Variants in KNTC1 observed in about 807,000 individuals in gnomAD.
KNTC1 encodes kinetochore associated 1.
A neutral mutation model predicts 314.4 loss-of-function variants in KNTC1; 253 were observed. The ratio of observed to expected loss-of-function variants is 0.80; its 90% CI spans 0.73 to 0.89. The LOEUF (loss-of-function observed/expected upper bound fraction) is 0.89, where lower values mean the gene tolerates loss of function less well. KNTC1 is among the 40% of genes least tolerant of loss of function. KNTC1 has a pLI of 0.00. For missense variants in KNTC1, 2,475 were observed against 2,572.9 expected (o/e 0.96, Z 0.82); for synonymous variants, 901 against 901.4 (o/e 1.00, Z 0.01).
chr12:122,615,469 G>C lies in KNTC1; in HGVS notation c.5974-1G>C, dbSNP rs1386489939. ...ACTTTTTTATTTTTAATTTTTTACA[G>C]ATTCCTTATCTAAGGAAAGTTTTAA... On this transcript the variant is annotated splice_acceptor_variant, in intron 56 of 63. Coordinates refer to ENST00000333479, the MANE Select transcript of KNTC1 (RefSeq NM_014708.6). LOFTEE classifies it high-confidence loss of function. The C allele has an allele frequency of 5.3e-6, 8 of 1,512,388 alleles. No individual in the cohort carries two copies. The highest frequency in any genetic ancestry group is 1.4e-5 in the African/African-American group (1 of 71,160). The allele number at this position is 1,512,388 out of a possible 1,614,324, so 93.7% of individuals were successfully genotyped here.
chr12:122,575,746 ATAG>A, intron 28 of KNTC1, 51 bp from the exon 29 acceptor site: 2 of 1,517,714 alleles, frequency 1.3e-6, no homozygotes, highest in African/African-American at 1.4e-5. Context: ...GCTGTGTCCC[ATAG>A]TACTTCATAA....
At chr12:122,576,851 C>G (rs781087771) in intron 29 of KNTC1, 44 bp from the exon 30 acceptor site, 2 of 1,452,518 alleles carry the variant, frequency 1.4e-6, no homozygotes, top group African/African-American at 2.9e-5. Context: ...TCTTGGTTTT[C>G]TGTGAGTTCT....
At chr12:122,565,743 G>A (rs949500108) in intron 20 of KNTC1, among the ~76,000 whole-genome samples, 6 of 151,840 alleles carry the variant, frequency 4.0e-5, no homozygotes, top group African/African-American at 1.5e-4. Flanking sequence ...AATTTGCCAG[G>A]CAACTTGGCC....
At chr12:122,554,770 C>T (rs1194169993) in intron 16 of KNTC1, among the ~76,000 whole-genome samples, 1 of 151,996 alleles carries the variant, frequency 6.6e-6, no homozygotes, top group Non-Finnish European at 1.5e-5. Flanking sequence ...CCAGAGAGTC[C>T]CTGTCAAAGT....
rs1467871270 is a variant in KNTC1 at position 122,542,084 on chromosome 12, AT to A, written c.487del (p.Cys163ValfsTer8). 5 of 1,540,526 alleles carry A rather than the reference AT, an allele frequency of 3.2e-6. No homozygotes were observed. Among genetic ancestry groups the A allele is most frequent in the Admixed American group, 1.9e-5 (1 of 53,614 alleles). ...YYMLLLTYSG[F>X]FCITNLQLLK... ...ATATGCTACTTCTTACATACAGTGG[AT>A]TTTTTTGTATTACAAACCTTCAGCT... On this transcript the variant is annotated frameshift_variant, in exon 6 of 64. Transcript: ENST00000333479. LOFTEE classifies it high-confidence loss of function.
chr12:122,549,664 C>A, intron 12 of KNTC1, 102 bp from the exon 13 acceptor site: 1 of 672,502 alleles, frequency 1.5e-6, no homozygotes, highest in Non-Finnish European at 2.7e-6. Context: ...CCACGCCCAG[C>A]CGCTCCCATG....
At chr12:122,596,593 C>T (rs542373279) in intron 43 of KNTC1, among the ~76,000 whole-genome samples, 1 of 151,480 alleles carries the variant, frequency 6.6e-6, no homozygotes, top group South Asian at 2.1e-4. Context: ...ATAATCCCAA[C>T]ACTTTGAGGG....
In KNTC1 at chr12:122,546,621, G is replaced by A. The variant is rs755330983; in HGVS notation, c.764-1G>A. On this transcript the variant is annotated splice_acceptor_variant, in intron 9 of 63. Coordinates refer to ENST00000333479, the MANE Select transcript of KNTC1 (RefSeq NM_014708.6). LOFTEE classifies it high-confidence loss of function. ...GAGACATCTTATTTTCTCTTTTGTA[G>A]GTGCAAAGAAGTTCCAGCTGATAGA... The A allele has an allele frequency of 7.6e-5, 119 of 1,567,904 alleles. No homozygotes were observed. Among genetic ancestry groups the A allele is most frequent in the Non-Finnish European group, 1.0e-4 (119 of 1,148,448 alleles).
In KNTC1 at chr12:122,547,513, T is replaced by G. The variant is rs1351582030; in HGVS notation, c.915T>G (p.Ser305=). 1 of 1,603,652 alleles carries G rather than the reference T, an allele frequency of 6.2e-7. No homozygotes were observed. Among genetic ancestry groups the G allele is most frequent in the Non-Finnish European group, 8.5e-7 (1 of 1,172,008 alleles). Reference sequence around the variant, plus strand: ...TTCTTCTTACTACAGAAGCAGACTCTCCTTCATCAGTCACGTGGTATGTTA... The same window carrying G: ...TTCTTCTTACTACAGAAGCAGACTCGCCTTCATCAGTCACGTGGTATGTTA... ...EEFLLTTEAD[S]PSSVTWQGIT... The change falls in exon 11 of 64, where the codon TCT becomes TCG. Residue 305 remains serine, a synonymous_variant. Coordinates refer to ENST00000333479, the MANE Select transcript of KNTC1 (RefSeq NM_014708.6).
intron 52 of KNTC1, among the ~76,000 whole-genome samples, chr12:122,610,411 C>T (rs1017807453): frequency 1.3e-5 from 2 of 152,316 alleles, no homozygotes; most frequent in Admixed American, 6.5e-5. Context: ...CCTCCCTTCC[C>T]GGAGAGGGGC....
In KNTC1 at chr12:122,575,660, C is replaced by A; in HGVS notation, c.2486+14C>A. On this transcript the variant is annotated intron_variant, in intron 28 of 63. Coordinates refer to ENST00000333479, the MANE Select transcript of KNTC1 (RefSeq NM_014708.6). Reference sequence around the variant, plus strand: ...GGACCATCCCAAGTAAGATGACTGTCTACGAAACAATGTTGTTATGCTCTG... The same window carrying A: ...GGACCATCCCAAGTAAGATGACTGTATACGAAACAATGTTGTTATGCTCTG... 1 of 1,554,752 alleles carries A rather than the reference C, an allele frequency of 6.4e-7. No individual in the cohort carries two copies. Among genetic ancestry groups the A allele is most frequent in the Non-Finnish European group, 8.8e-7 (1 of 1,138,720 alleles).
At chr12:122,582,630 A>G (rs1205629204) in intron 33 of KNTC1, 75 bp from the exon 34 acceptor site, 1 of 1,356,862 alleles carries the variant, frequency 7.4e-7, no homozygotes, top group Admixed American at 2.5e-5. Flanking sequence ...ATGAAAAAAA[A>G]AACTAATGAA....
chr12:122,580,558 T>C (rs1313363259), intron 32 of KNTC1, 45 bp from the exon 33 acceptor site: 2 of 1,179,802 alleles, frequency 1.7e-6, no homozygotes, highest in Admixed American at 2.2e-5. Context: ...TCTGATAATA[T>C]GAGAATTTGC....
chr12:122,580,929 G>A lies in KNTC1; in HGVS notation c.2982+259G>A, dbSNP rs980931576. ...TGTAGTCCCAGCTACTCGGGAGGCC[G>A]AGGCAGGAGAATTGCTTGAACCCGG... On this transcript the variant is annotated intron_variant, in intron 33 of 63. Coordinates refer to ENST00000333479, the MANE Select transcript of KNTC1 (RefSeq NM_014708.6). 3.3e-5 allele frequency among the ~76,000 whole-genome samples: 5 copies of A among 151,986 alleles called. No homozygotes were observed. The East Asian group carries it at 5.8e-4, about 18-fold the overall frequency.
At chr12:122,554,076 A>ATATATATATAT (rs1555224817) in intron 16 of KNTC1, among the ~76,000 whole-genome samples, 56 of 109,044 alleles carry the variant, frequency 5.1e-4, no homozygotes, top group African/African-American at 1.2e-3. Context: ...AAAAAAAAAA[A>ATATATATATAT]ATATATATAT....
At chr12:122,562,819 GGC>G (rs1402115157) in intron 20 of KNTC1, 120 bp downstream of exon 20, 8 of 593,654 alleles carry the variant, frequency 1.3e-5, no homozygotes, top group Non-Finnish European at 2.2e-5. Context: ...AGACCAGCCT[GGC>G]CAACATGGCA....
chr12:122,530,057 C>G lies in KNTC1; in HGVS notation c.-7C>G. ...GGTTCCTGACTCAGGAAGACAGTCT[C>G]AGAAACATGTGGAATGATATTGAGC... On this transcript the variant is annotated 5_prime_UTR_variant, in exon 2 of 64. Coordinates refer to ENST00000333479, the MANE Select transcript of KNTC1 (RefSeq NM_014708.6). The G allele has an allele frequency of 1.9e-6, 3 of 1,612,528 alleles. No homozygotes were observed. In the South Asian group the frequency reaches 3.3e-5, roughly 18 times the overall value.
intron 20 of KNTC1, among the ~76,000 whole-genome samples, chr12:122,564,056 C>A (rs112596316): frequency 0.076 from 11,524 of 152,266 alleles, 566 homozygotes; most frequent in Middle Eastern, 0.13. Flanking sequence ...TGGCTCACTG[C>A]AACCTTTGCC....
At position 122,544,178 on chromosome 12, in the gene KNTC1, C is replaced by A; in HGVS notation, c.578C>A (p.Ser193Tyr). The stretch of plus-strand genomic sequence containing the variant: ...TTGCAGTTACAAGGACAAATCAAGT[C>A]CAGTTTTATTTCTACTGAAAATTAT... ...TAKKLQGQIK[S>Y]SFISTENYHT... The change falls in exon 8 of 64, where the codon TCC (serine) becomes TAC (tyrosine). Residue 193 changes from serine (S) to tyrosine (Y), a missense_variant. By Grantham distance (144) the Ser-to-Tyr change is moderately radical. Transcript: ENST00000333479. 1 of 1,554,404 alleles carries A rather than the reference C, an allele frequency of 6.4e-7. No individual in the cohort carries two copies. Among genetic ancestry groups the A allele is most frequent in the Non-Finnish European group, 8.7e-7 (1 of 1,148,182 alleles).
Sources: allele counts gnomAD v4.1 joint callset (sites outside exome capture counted in the v4.1 genomes callset), GRCh38; gene constraint gnomAD v4.1.1; transcripts MANE v1.5; gene names NCBI Gene and HGNC (gene_info 2026-07-23, HGNC 2026-07-21).